The following MIDEAS variants were observed in gnomAD, a reference collection of about 807,000 sequenced individuals.
MIDEAS encodes mitotic deacetylase-associated SANT domain protein.
Under a neutral mutation model 102.7 loss-of-function variants are expected in MIDEAS, and 26 were observed. The ratio of observed to expected loss-of-function variants is 0.25; its 90% confidence interval spans 0.19 to 0.35. MIDEAS has a LOEUF of 0.35. Ranked by LOEUF, MIDEAS falls within the 10% of genes least tolerant of loss-of-function variation. The pLI is 1.00. For synonymous variants in MIDEAS, 585 were observed against 591.0 expected (o/e 0.99, Z 0.15); for missense variants, 1,231 against 1,435.6 (o/e 0.86, Z 2.30).
At chr14:73,754,842 G>A (rs2053461221) in intron 1 of MIDEAS, 1 of 152,238 alleles carries the variant, frequency 6.6e-6, no homozygotes, top group African/African-American at 2.4e-5. Flanking sequence ...GCAACGGTAA[G>A]TTGGATAGGG....
At chr14:73,768,694 C>G (rs2053613079) in intron 1 of MIDEAS, among the ~76,000 whole-genome samples, 1 of 152,120 alleles carries the variant, frequency 6.6e-6, no homozygotes, top group Admixed American at 6.6e-5. Flanking sequence ...CCATGTTGGC[C>G]AGGCTGGTCT....
chr14:73,738,636 C>T lies in MIDEAS; in HGVS notation c.1373G>A (p.Arg458His), dbSNP rs776105694. The T allele has an allele frequency of 5.6e-6, 9 of 1,612,696 alleles. No individual in the cohort carries two copies. The highest frequency in any genetic ancestry group is 5.3e-5 in the African/African-American group (4 of 74,912). The change falls in exon 2 of 13, where the codon CGC becomes CAC. Residue 458 changes from arginine to histidine, a missense_variant. By Grantham distance (29) the Arg-to-His change is conservative (BLOSUM62 0). Transcript: ENST00000423556. ...CAAATTGGCCTCCTGGGATGCCCGG[C>T]GCCTCCGTCGCGTGCTCTGGATCAC... Reference protein sequence around the residue: ...GGVIQSTRRRRRASQEANLLT... With the variant: ...GGVIQSTRRRHRASQEANLLT...
At chr14:73,724,894 G>A in intron 9 of MIDEAS, 1 of 210,560 alleles carries the variant, frequency 4.7e-6, no homozygotes, top group South Asian at 7.2e-5. Context: ...GCAGGCACTT[G>A]CTGGCTCTCA....
intron 2 of MIDEAS, 90 bp downstream of exon 2, chr14:73,738,470 T>C: frequency 7.0e-7 from 1 of 1,432,824 alleles, no homozygotes; most frequent in East Asian, 2.6e-5. Context: ...AAAGTCTGGC[T>C]TTCCCTAGGC....
chr14:73,783,019 A>T (rs1232112408), intron 1 of MIDEAS, among the ~76,000 whole-genome samples: 1 of 152,178 alleles, frequency 6.6e-6, no homozygotes, highest in Non-Finnish European at 1.5e-5. Context: ...CAAAACATTT[A>T]TTGAGACTTG....
intron 1 of MIDEAS, among the ~76,000 whole-genome samples, chr14:73,783,101 GTAGTATT>G (rs1458814917): frequency 6.6e-6 from 1 of 152,200 alleles, no homozygotes; most frequent in Non-Finnish European, 1.5e-5. Flanking sequence ...TTGAAGAATT[GTAGTATT>G]TATTCACCCA....
rs2052896850 is a variant in MIDEAS, at chr14:73,716,709, A to AAT, written c.*2133_*2134insAT. ...AAAAAAAAAAAAAAAAAAAAAAAAA[A>AAT]TTTTTTTTCCAAGTACAAGATGTTA... On this transcript the variant is annotated 3_prime_UTR_variant, in exon 13 of 13. Transcript: ENST00000423556. 2.1e-5 allele frequency: 2 copies of AAT among 94,006 alleles called. No individual in the cohort carries two copies. 5.8% of individuals were successfully genotyped at this position (94,006 alleles called of 1,614,324 possible). A position where few individuals can be genotyped will look rare whatever the true frequency, so the allele number is the denominator to read the frequency against.
At chr14:73,719,864 T>G (rs978332268) in intron 11 of MIDEAS, among the ~76,000 whole-genome samples, 1 of 151,458 alleles carries the variant, frequency 6.6e-6, no homozygotes, top group Non-Finnish European at 1.5e-5. Flanking sequence ...TTCAGGCCCC[T>G]GTGATGGGCC....
intron 9 of MIDEAS, chr14:73,724,519 G>C (rs2053035859): frequency 6.6e-6 from 1 of 152,254 alleles, no homozygotes; most frequent in African/African-American, 2.4e-5. Context: ...TCAGGGAATA[G>C]CGTGTTACTA....
At chr14:73,786,833 C>T (rs1379998993) in intron 1 of MIDEAS, among the ~76,000 whole-genome samples, 3 of 152,078 alleles carry the variant, frequency 2.0e-5, no homozygotes, top group Non-Finnish European at 2.9e-5. Context: ...CTTCCCCCCA[C>T]CCTACCTCAG....
At chr14:73,736,739 G>A (rs975314276) in intron 3 of MIDEAS, among the ~76,000 whole-genome samples, 1 of 152,060 alleles carries the variant, frequency 6.6e-6, no homozygotes, top group African/African-American at 2.4e-5. Flanking sequence ...TCTGGAAAAA[G>A]AGATGTACAC....
chr14:73,727,155 GT>G, intron 5 of MIDEAS, 183 bp from the exon 6 acceptor site: 1 of 751,938 alleles, frequency 1.3e-6, no homozygotes, highest in East Asian at 2.7e-5. Context: ...GAAAGGCAAG[GT>G]CCAGAGGCTG....
In MIDEAS at chr14:73,725,882, T is replaced by C. The variant is rs1017021415; in HGVS notation, c.2485+151A>G. ...AAACCCCTGGAGAGCTACCCCAGCT[T>C]TGGTGGCAGTTCCCTCACTCTGACT... On this transcript the variant is annotated intron_variant, in intron 8 of 12. Transcript: ENST00000423556. The surrounding 1 kb of genome is among the most constrained non-coding windows in gnomAD (Gnocchi z 4.1). 4.4e-6 allele frequency: 3 copies of C among 674,436 alleles called. No homozygotes were observed. Among genetic ancestry groups the C allele is most frequent in the Non-Finnish European group, 7.7e-6 (3 of 388,330 alleles). The allele number at this position is 674,436 out of a possible 1,614,324, so 41.8% of individuals were successfully genotyped here. A position where few individuals can be genotyped will look rare whatever the true frequency, so the allele number is the denominator to read the frequency against.
At chr14:73,733,175 T>C (rs760630173) in intron 3 of MIDEAS, among the ~76,000 whole-genome samples, 11 of 152,122 alleles carry the variant, frequency 7.2e-5, no homozygotes, top group Non-Finnish European at 1.3e-4. Context: ...AGGCTTTGGA[T>C]TGGGACTCCA....
At chr14:73,767,004 G>A (rs771684351) in intron 1 of MIDEAS, among the ~76,000 whole-genome samples, 2 of 151,548 alleles carry the variant, frequency 1.3e-5, no homozygotes, top group Non-Finnish European at 2.9e-5. Context: ...TACAGGCCTC[G>A]CCACCACACC....
rs1369955523 is a variant in MIDEAS, at chr14:73,718,874, C to T, written c.3269G>A (p.Arg1090Gln). The T allele has an allele frequency of 6.6e-7, 1 of 1,513,498 alleles. No individual in the cohort carries two copies. The highest frequency in any genetic ancestry group is 1.4e-5 in the African/African-American group (1 of 71,756). The allele number at this position is 1,513,498 out of a possible 1,614,324, so 93.8% of individuals were successfully genotyped here. Reference sequence around the variant, plus strand: ...CTTGTCGCCCGCACCGCTCTCCTCCCGCAGGGCCTGCTGGTGGGCGGCGGC... The same window carrying T: ...CTTGTCGCCCGCACCGCTCTCCTCCTGCAGGGCCTGCTGGTGGGCGGCGGC... ...AAAAAHQQAL[R>Q]EESGAGDKG The change falls in exon 13 of 13, where the codon CGG (arginine) becomes CAG (glutamine). Residue 1090 changes from arginine (R) to glutamine (Q), a missense_variant. By Grantham distance (43) the Arg-to-Gln change is conservative (BLOSUM62 1). Coordinates refer to ENST00000423556, the MANE Select transcript of MIDEAS (RefSeq NM_001367710.1).
At chr14:73,740,576 C>T (rs1816948877) in intron 1 of MIDEAS, among the ~76,000 whole-genome samples, 1 of 152,236 alleles carries the variant, frequency 6.6e-6, no homozygotes, top group South Asian at 2.1e-4. Flanking sequence ...TTCTAAGGCA[C>T]AGGTGGAGCT....
intron 4 of MIDEAS, chr14:73,727,950 G>A (rs2053086672): frequency 6.3e-6 from 1 of 157,768 alleles, no homozygotes; most frequent in African/African-American, 2.4e-5. Context: ...AGGTGGTGAA[G>A]GGGATCGCTG....
chr14:73,753,565 A>C (rs944352364), intron 1 of MIDEAS, among the ~76,000 whole-genome samples: 4 of 152,206 alleles, frequency 2.6e-5, no homozygotes, highest in African/African-American at 9.7e-5. Context: ...GCACTCAATA[A>C]ATGTGTTTCC....
Sources: gnomAD v4.1 joint callset for allele counts (sites outside exome capture counted in the v4.1 genomes callset) on GRCh38, gnomAD v4.1.1 for gene constraint, Gnocchi (gnomAD v3.1) non-coding constraint, MANE v1.5 for transcripts, NCBI Gene and HGNC (gene_info 2026-07-23, HGNC 2026-07-21) for gene names.